NLE1: variants seen among roughly 807,000 people sequenced by gnomAD.
NLE1 encodes the protein notchless homolog 1, also known as notchless protein homolog 1.
In NLE1, 37 loss-of-function variants were observed where a neutral mutation model predicts 62.8. The ratio of observed to expected loss-of-function variants is 0.59; its 90% CI spans 0.45 to 0.78. NLE1 has a LOEUF of 0.78. NLE1 is among the 30% of genes least tolerant of loss of function. NLE1 has a pLI of 0.00. For missense variants in NLE1, 555 were observed against 637.9 expected (o/e 0.87, Z 1.40); for synonymous variants, 243 against 253.0 (o/e 0.96, Z 0.37).
Position 35,130,498 on chromosome 17 carries a change from G to A in NLE1, c.*1939C>T. Reference sequence around the variant, plus strand: ...TTCAACCCCAGGCCCTCAGAAACCAGAGCCATGAGACCTACCATACCACCA... The same window carrying A: ...TTCAACCCCAGGCCCTCAGAAACCAAAGCCATGAGACCTACCATACCACCA... On this transcript the variant is annotated 3_prime_UTR_variant, in exon 13 of 13. Coordinates refer to ENST00000442241, the MANE Select transcript of NLE1 (RefSeq NM_018096.5). The A allele has an allele frequency of 6.5e-7, 1 of 1,535,990 alleles. No homozygotes were observed. Among genetic ancestry groups the A allele is most frequent in the Non-Finnish European group, 8.9e-7 (1 of 1,127,888 alleles).
Position 35,142,285 on chromosome 17 carries a change from C to T in NLE1, c.-10G>A, listed in dbSNP as rs1199803274. ...GCACTGCTGCCGCCATCCTGCGTCCCCACGTGGAGGAGAAAGAGCCCGGCA... is the reference window on the plus strand; with the variant it reads ...GCACTGCTGCCGCCATCCTGCGTCCTCACGTGGAGGAGAAAGAGCCCGGCA... On this transcript the variant is annotated 5_prime_UTR_variant, in exon 1 of 13. Coordinates refer to ENST00000442241, the MANE Select transcript of NLE1 (RefSeq NM_018096.5). 4 of 1,539,914 alleles carry T rather than the reference C, an allele frequency of 2.6e-6. No homozygotes were observed. Among genetic ancestry groups the T allele is most frequent in the Non-Finnish European group, 3.5e-6 (4 of 1,145,924 alleles).
rs747235895 is a variant in NLE1, at chr17:35,136,207, A to G, written c.973T>C (p.Leu325=). ...PQDLQGSLQE[L]KERALSRYNL... Reference sequence around the variant, plus strand: ...TATCGGCTCAGAGCCCTCTCCTTCAACTCCTGCACTGTGACCAGGTACCGG... The same window carrying G: ...TATCGGCTCAGAGCCCTCTCCTTCAGCTCCTGCACTGTGACCAGGTACCGG... The change falls in exon 9 of 13, where the codon TTG becomes CTG. Residue 325 remains leucine (L), a synonymous_variant. Transcript: ENST00000442241. The G allele has an allele frequency of 6.2e-7, 1 of 1,614,036 alleles. No individual in the cohort carries two copies.
chr17:35,133,178 G>C lies in NLE1; in HGVS notation c.1438C>G (p.Leu480Val), dbSNP rs188481982. The C allele has an allele frequency of 6.2e-7, 1 of 1,614,182 alleles. No homozygotes were observed. Among genetic ancestry groups the C allele is most frequent in the Admixed American group, 1.7e-5 (1 of 60,022 alleles). The change falls in exon 12 of 13, where the codon CTC becomes GTC. Residue 480 changes from leucine to valine, a missense_variant. By Grantham distance (32) the Leu-to-Val change is conservative. Transcript: ENST00000442241. The stretch of plus-strand genomic sequence containing the variant: ...CACTTCCCCCACACTCACATCCGGA[G>C]GCATTTGTCCTTCCCACCACTTGCC... ...RVASGGKDKC[L>V]RIWRR
intron 4 of NLE1, among the ~76,000 whole-genome samples, chr17:35,138,444 TTC>T (rs886714658): frequency 2.1e-4 from 32 of 151,938 alleles, no homozygotes; most frequent in Non-Finnish European, 2.9e-4. Flanking sequence ...CTCTTCTCTT[TTC>T]TCTCTCTCTC....
chr17:35,139,761 A>G, intron 3 of NLE1, 88 bp downstream of exon 3: 1 of 1,543,824 alleles, frequency 6.5e-7, no homozygotes, highest in Non-Finnish European at 8.7e-7. Context: ...CTGAGGCCCC[A>G]TCAATTATAA....
Position 35,132,318 on chromosome 17 carries a change from T to A in NLE1, c.*119A>T. 1.2e-6 allele frequency: 1 copy of A among 864,742 alleles called. No individual in the cohort carries two copies. Among genetic ancestry groups the A allele is most frequent in the African/African-American group, 1.8e-5 (1 of 56,472 alleles). The allele number at this position is 864,742 out of a possible 1,614,324, so 53.6% of individuals were successfully genotyped here. The stretch of plus-strand genomic sequence containing the variant: ...CGAGGACAGCAGGCCACACGCATTC[T>A]CAGGTCCCCACTGGTGGGGAGGGTG... On this transcript the variant is annotated 3_prime_UTR_variant, in exon 13 of 13. Transcript: ENST00000442241.
intron 9 of NLE1, 32 bp from the exon 10 acceptor site, chr17:35,135,483 T>G: frequency 5.0e-6 from 8 of 1,606,984 alleles, no homozygotes; most frequent in Non-Finnish European, 6.8e-6. Context: ...CTGTGTTGGG[T>G]GTGGTCTCAG....
chr17:35,129,547 G>T lies in NLE1; in HGVS notation c.*2890C>A, dbSNP rs1419553690. The T allele has an allele frequency of 6.2e-7, 1 of 1,614,188 alleles. No individual in the cohort carries two copies. The highest frequency in any genetic ancestry group is 1.7e-5 in the Admixed American group (1 of 60,028). On this transcript the variant is annotated 3_prime_UTR_variant, in exon 13 of 13. Coordinates refer to ENST00000442241, the MANE Select transcript of NLE1 (RefSeq NM_018096.5). ...AGAATCGTCCATGGATCTTCAACAA[G>T]ATTTTGGGCACTACTGTCAAGCTGA...
At chr17:35,139,463 C>T (rs1427807882) in intron 3 of NLE1, 149 bp from the exon 4 acceptor site, 1 of 657,820 alleles carries the variant, frequency 1.5e-6, no homozygotes, top group Non-Finnish European at 2.6e-6. Context: ...TGGGAGAATA[C>T]ATCAGGAGGC....
In NLE1 at chr17:35,136,198, T is replaced by G; in HGVS notation, c.982A>C (p.Arg328=). The G allele has an allele frequency of 1.2e-6, 2 of 1,614,060 alleles. No homozygotes were observed. The highest frequency in any genetic ancestry group is 1.7e-6 in the Non-Finnish European group (2 of 1,179,984). The change falls in exon 9 of 13, where the codon AGG becomes CGG. Residue 328 remains arginine, a synonymous_variant. Transcript: ENST00000442241. ...ACGAGGTTGTATCGGCTCAGAGCCCTCTCCTTCAACTCCTGCACTGTGACC... is the reference window on the plus strand; with the variant it reads ...ACGAGGTTGTATCGGCTCAGAGCCCGCTCCTTCAACTCCTGCACTGTGACC... ...LQGSLQELKE[R]ALSRYNLVRG...
intron 2 of NLE1, among the ~76,000 whole-genome samples, chr17:35,140,607 T>C (rs1206916223): frequency 6.6e-6 from 1 of 151,746 alleles, no homozygotes; most frequent in East Asian, 1.9e-4. Flanking sequence ...TCTTTTTTTT[T>C]TGAGATGGAG....
Position 35,129,203 on chromosome 17 carries a change from T to C in NLE1, c.*3234A>G, listed in dbSNP as rs1165434124. 1.7e-6 allele frequency: 1 copy of C among 582,210 alleles called. No individual in the cohort carries two copies. The highest frequency in any genetic ancestry group is 3.1e-6 in the Non-Finnish European group (1 of 327,192). The allele number at this position is 582,210 out of a possible 1,614,324, so 36.1% of individuals were successfully genotyped here. The stretch of plus-strand genomic sequence containing the variant: ...GTATAAGAAATATGGAATGAGGGTG[T>C]ACCCTAAAGTGGGTGGGGCTGCCCA... On this transcript the variant is annotated 3_prime_UTR_variant, in exon 13 of 13. Transcript: ENST00000442241.
chr17:35,138,436 CTTCTCTT>C (rs2091922716), intron 4 of NLE1, among the ~76,000 whole-genome samples: 1 of 152,242 alleles, frequency 6.6e-6, no homozygotes, highest in African/African-American at 2.4e-5. Flanking sequence ...TTTTTTCTCT[CTTCTCTT>C]TTCTCTCTCT....
intron 3 of NLE1, 165 bp downstream of exon 3, chr17:35,139,684 C>T: frequency 4.2e-6 from 4 of 953,754 alleles, no homozygotes; most frequent in Non-Finnish European, 6.1e-6. Flanking sequence ...CTTTGGGGAC[C>T]ATGCCCTACT....
At chr17:35,132,575 C>G in intron 12 of NLE1, 126 bp from the exon 13 acceptor site, 1 of 838,072 alleles carries the variant, frequency 1.2e-6, no homozygotes, top group Non-Finnish European at 1.7e-6. Flanking sequence ...AGCCAGGTGA[C>G]CGTCCCTGCT....
Position 35,137,047 on chromosome 17 carries a change from T to G in NLE1, c.782A>C (p.Tyr261Ser), listed in dbSNP as rs1328354597. 1 of 1,613,626 alleles carries G rather than the reference T, an allele frequency of 6.2e-7. No homozygotes were observed. ...CLRWGGDGLLYSASQDRTIKV... is the reference protein window; with the variant it reads ...CLRWGGDGLLSSASQDRTIKV... ...GATGGTGCGGTCCTGGGAGGCAGAG[T>G]AGAGAAGCCCGTCCCCTCCCCACCG... The change falls in exon 7 of 13, where the codon TAC (tyrosine) becomes TCC (serine). Residue 261 changes from tyrosine (Y) to serine (S), a missense_variant. Physicochemically the swap from Tyr to Ser is moderately radical, Grantham distance 144 (BLOSUM62 -2). Transcript: ENST00000442241.
In NLE1 at chr17:35,140,041, A is replaced by G; in HGVS notation, c.188T>C (p.Phe63Ser). The part of the protein sequence containing the change: ...AQEDPLPLAF[F>S]VHDAEIVSSL... ...GGAGACGATCTCAGCATCGTGGACAAAGAAAGCCAGTGGCAGGGGATCCTC... is the reference window on the plus strand; with the variant it reads ...GGAGACGATCTCAGCATCGTGGACAGAGAAAGCCAGTGGCAGGGGATCCTC... The change falls in exon 3 of 13, where the codon TTT becomes TCT. Residue 63 changes from phenylalanine to serine, a missense_variant. Physicochemically the swap from Phe to Ser is radical, Grantham distance 155. Transcript: ENST00000442241. The G allele has an allele frequency of 6.2e-7, 1 of 1,613,746 alleles. No individual in the cohort carries two copies. The highest frequency in any genetic ancestry group is 8.5e-7 in the Non-Finnish European group (1 of 1,180,030).
At position 35,142,230 on chromosome 17, in the gene NLE1, C is replaced by T. The variant is rs551799298; in HGVS notation, c.18+28G>A. On this transcript the variant is annotated intron_variant, in intron 1 of 12. Transcript: ENST00000442241. ...CGGGCCCTAGCGCCCCGCGGCGACG[C>T]CCCCCGCCCCCATCCACGCACACCC... The T allele has an allele frequency of 2.6e-6, 4 of 1,553,284 alleles. No homozygotes were observed. The African/African-American group carries it at 4.1e-5, about 16-fold the overall frequency.
At chr17:35,138,671 T>A (rs953311115) in intron 4 of NLE1, among the ~76,000 whole-genome samples, 2 of 152,208 alleles carry the variant, frequency 1.3e-5, no homozygotes, top group African/African-American at 4.8e-5. Context: ...CTCAAACTCC[T>A]GACCTCAAGT....
Sources: allele counts gnomAD v4.1 joint callset (sites outside exome capture counted in the v4.1 genomes callset), GRCh38; gene constraint gnomAD v4.1.1; transcripts MANE v1.5; gene names NCBI Gene and HGNC (gene_info 2026-07-23, HGNC 2026-07-21).